Variants in CSMD1 observed in about 807,000 individuals in gnomAD.
CSMD1 encodes the protein CUB and Sushi multiple domains 1.
CSMD1 carries 213 observed loss-of-function variants against 417.5 expected under a neutral mutation model. The ratio of observed to expected loss-of-function variants is 0.51; its 90% CI spans 0.46 to 0.57. The LOEUF (loss-of-function observed/expected upper bound fraction) is 0.57. CSMD1 is among the 20% of genes least tolerant of loss of function. The pLI is 0.00. For missense variants in CSMD1, 6,923 were observed against 4,529.7 expected (o/e 1.53, Z -15.17); for synonymous variants, 2,862 against 1,736.8 (o/e 1.65, Z -16.11).
At chr8:3,606,500 A>T (rs1200708371) in intron 8 of CSMD1, among the ~76,000 whole-genome samples, 1 of 75,728 alleles carries the variant, frequency 1.3e-5, no homozygotes. Flanking sequence ...TCTCATTCAT[A>T]TAGGGTACTC....
chr8:4,167,412 T>A (rs1347416388), intron 3 of CSMD1, among the ~76,000 whole-genome samples: 1 of 152,162 alleles, frequency 6.6e-6, no homozygotes, highest in South Asian at 2.1e-4. Context: ...AAAGTGTTCA[T>A]GTAAAAGAAA....
chr8:4,411,854 T>A (rs2128935003), intron 3 of CSMD1, among the ~76,000 whole-genome samples: 1 of 152,344 alleles, frequency 6.6e-6, no homozygotes, highest in African/African-American at 2.4e-5. Context: ...AAAATGGAAT[T>A]ATGTTGCATT....
At chr8:4,106,601 G>A (rs1165641527) in intron 3 of CSMD1, among the ~76,000 whole-genome samples, 2 of 152,240 alleles carry the variant, frequency 1.3e-5, no homozygotes, top group African/African-American at 4.8e-5. Context: ...TTAATTTTAC[G>A]AATATATTTT....
intron 2 of CSMD1, among the ~76,000 whole-genome samples, chr8:4,426,382 T>C (rs1797556098): frequency 6.7e-6 from 1 of 149,820 alleles, no homozygotes; most frequent in South Asian, 2.1e-4. Flanking sequence ...TTGTATGTAG[T>C]ATATATAGTA....
intron 10 of CSMD1, among the ~76,000 whole-genome samples, chr8:3,526,051 G>C (rs754241752): frequency 3.3e-5 from 5 of 152,080 alleles, no homozygotes; most frequent in African/African-American, 4.8e-5. Context: ...TTAATAGCCT[G>C]GGTATATGTA....
intron 5 of CSMD1, among the ~76,000 whole-genome samples, chr8:3,903,441 CATT>C (rs1030468266): frequency 9.9e-5 from 15 of 152,190 alleles, no homozygotes; most frequent in Admixed American, 7.9e-4. Flanking sequence ...TTAACATACA[CATT>C]ATGTAAAATA....
At chr8:4,435,925 A>C in intron 2 of CSMD1, among the ~76,000 whole-genome samples, 1 of 152,174 alleles carries the variant, frequency 6.6e-6, no homozygotes, top group East Asian at 1.9e-4. Flanking sequence ...AATAATTAGA[A>C]TTTTAACCAA....
chr8:4,849,502 C>T (rs940153946), intron 1 of CSMD1, among the ~76,000 whole-genome samples: 1 of 152,166 alleles, frequency 6.6e-6, no homozygotes, highest in Non-Finnish European at 1.5e-5. Context: ...TTATAACTCA[C>T]TCACCGACTC....
At chr8:4,768,760 T>A (rs116094448) in intron 1 of CSMD1, among the ~76,000 whole-genome samples, 1 of 152,170 alleles carries the variant, frequency 6.6e-6, no homozygotes, top group Non-Finnish European at 1.5e-5. Flanking sequence ...TGCTACTGGC[T>A]TGTTTACAGT....
At chr8:4,553,784 G>A (rs982617954) in intron 2 of CSMD1, among the ~76,000 whole-genome samples, 1 of 152,172 alleles carries the variant, frequency 6.6e-6, no homozygotes, top group Non-Finnish European at 1.5e-5. Context: ...ATCGTCCTAT[G>A]TCTGCCATGA....
intron 3 of CSMD1, among the ~76,000 whole-genome samples, chr8:4,201,086 A>C (rs1485450709): frequency 1.3e-5 from 2 of 152,174 alleles, no homozygotes; most frequent in Admixed American, 6.5e-5. Flanking sequence ...ACCTTGGGCC[A>C]ATGTCTTACC....
intron 3 of CSMD1, among the ~76,000 whole-genome samples, chr8:4,185,527 C>T (rs1442371195): frequency 6.6e-6 from 1 of 152,126 alleles, no homozygotes; most frequent in East Asian, 1.9e-4. Flanking sequence ...TACAAGTGGG[C>T]ATAAAGAGAA....
intron 25 of CSMD1, among the ~76,000 whole-genome samples, chr8:3,284,811 C>G (rs538242999): frequency 1.3e-5 from 2 of 152,182 alleles, no homozygotes; most frequent in Non-Finnish European, 2.9e-5. Context: ...TCCATTACGA[C>G]CTTTTCTACC....
At chr8:3,556,516 G>GCACA (rs71708244) in intron 10 of CSMD1, among the ~76,000 whole-genome samples, 1,692 of 137,698 alleles carry the variant, frequency 0.012, 59 homozygotes, top group Admixed American at 0.08. Context: ...TTTTTCACAC[G>GCACA]CACACACACA....
At chr8:4,985,852 C>CACG (rs1811152460) in intron 1 of CSMD1, among the ~76,000 whole-genome samples, 1 of 152,018 alleles carries the variant, frequency 6.6e-6, no homozygotes. Context: ...TTATGTTGTC[C>CACG]ACAGGAATTC....
At chr8:3,484,817 T>A (rs1817932987) in intron 11 of CSMD1, among the ~76,000 whole-genome samples, 1 of 152,168 alleles carries the variant, frequency 6.6e-6, no homozygotes, top group African/African-American at 2.4e-5. Context: ...AATAAGCATC[T>A]GACAAAATGT....
intron 1 of CSMD1, among the ~76,000 whole-genome samples, chr8:4,951,854 G>A (rs1808771005): frequency 1.9e-5 from 1 of 53,528 alleles, no homozygotes; most frequent in Non-Finnish European, 5.1e-5. Flanking sequence ...TTAATACACT[G>A]AAGGACCACC....
intron 3 of CSMD1, among the ~76,000 whole-genome samples, chr8:4,109,628 G>C (rs1337038046): frequency 3.3e-5 from 5 of 152,142 alleles, no homozygotes; most frequent in South Asian, 2.1e-4. Context: ...AAAAGCTCTA[G>C]ACAACATCAT....
intron 10 of CSMD1, chr8:3,515,453 G>T (rs1797245769): frequency 6.6e-6 from 1 of 152,158 alleles, no homozygotes; most frequent in African/African-American, 2.4e-5. Context: ...AGATTTGCAA[G>T]AGAGGAATAC....
Sources: gnomAD v4.1 joint callset for allele counts (sites outside exome capture counted in the v4.1 genomes callset) on GRCh38, gnomAD v4.1.1 for gene constraint, MANE v1.5 for transcripts, NCBI Gene and HGNC (gene_info 2026-07-23, HGNC 2026-07-21) for gene names.